The following EPB41L4A variants were observed in gnomAD, a reference collection of about 807,000 sequenced individuals.
EPB41L4A encodes the protein erythrocyte membrane protein band 4.1 like 4A.
A neutral mutation model predicts 108.6 loss-of-function variants in EPB41L4A; 100 were observed. The observed-to-expected ratio is 0.92, with a 90% confidence interval of 0.78 to 1.09. The LOEUF (loss-of-function observed/expected upper bound fraction) is 1.09. EPB41L4A is among the 50% of genes least tolerant of loss of function. The pLI is 0.00. For missense variants in EPB41L4A, 1,030 were observed against 842.7 expected, an observed-to-expected ratio of 1.22 and a Z score of -2.75; for synonymous variants, 319 against 289.0, an observed-to-expected ratio of 1.10 and a Z score of -1.05.
chr5:112,337,469 G>C (rs1382572181), intron 1 of EPB41L4A, among the ~76,000 whole-genome samples: 1 of 152,116 alleles, frequency 6.6e-6, no homozygotes, highest in African/African-American at 2.4e-5. Context: ...GGCTCTGTTT[G>C]AACTGTTTCC....
intron 1 of EPB41L4A, among the ~76,000 whole-genome samples, chr5:112,332,369 A>G (rs1246914439): frequency 6.6e-6 from 1 of 152,094 alleles, no homozygotes; most frequent in African/African-American, 2.4e-5. Flanking sequence ...ACCACCCAGG[A>G]CCTTGACTCC....
intron 18 of EPB41L4A, among the ~76,000 whole-genome samples, chr5:112,171,918 G>A (rs577401155): frequency 6.6e-5 from 10 of 150,498 alleles, no homozygotes; most frequent in Admixed American, 5.9e-4. Context: ...ATTAGCATTT[G>A]GGGGGCTCAA....
At chr5:112,415,120 G>A (rs181097870) in intron 1 of EPB41L4A, among the ~76,000 whole-genome samples, 1 of 152,152 alleles carries the variant, frequency 6.6e-6, no homozygotes, top group East Asian at 1.9e-4. Flanking sequence ...AATGAAAATT[G>A]TAATTTTTGG....
intron 12 of EPB41L4A, among the ~76,000 whole-genome samples, chr5:112,154,500 G>C (rs569962692): frequency 6.6e-6 from 1 of 152,240 alleles, no homozygotes; most frequent in African/African-American, 2.4e-5. Flanking sequence ...ACAATAAAGA[G>C]ATAGTTTTTT....
Position 112,210,858 on chromosome 5 carries a change from G to A in EPB41L4A, c.1088-876C>T, listed in dbSNP as rs541121026. The stretch of plus-strand genomic sequence containing the variant: ...ACAGGCCCTGTTCAATTAGGTCTAT[G>A]TGCCATACAGGTGTGTCTTCCTCGG... On this transcript the variant is annotated intron_variant, in intron 12 of 22. Transcript: ENST00000261486. 3.3e-5 allele frequency among the ~76,000 whole-genome samples: 5 copies of A among 152,152 alleles called. No individual in the cohort carries two copies. In the East Asian group the frequency reaches 9.7e-4, roughly 29 times the overall value.
intron 1 of EPB41L4A, among the ~76,000 whole-genome samples, chr5:112,393,670 A>G (rs912340190): frequency 6.6e-6 from 1 of 152,100 alleles, no homozygotes; most frequent in Admixed American, 6.5e-5. Flanking sequence ...TACAAGGAGG[A>G]GCTGGTACCA....
At chr5:112,334,390 G>T (rs571491942) in intron 1 of EPB41L4A, among the ~76,000 whole-genome samples, 1 of 152,180 alleles carries the variant, frequency 6.6e-6, no homozygotes, top group Non-Finnish European at 1.5e-5. Flanking sequence ...GAGATTAGCT[G>T]AGAGTCTAGC....
At chr5:112,290,343 G>A (rs146365852) in intron 2 of EPB41L4A, among the ~76,000 whole-genome samples, 5 of 152,166 alleles carry the variant, frequency 3.3e-5, no homozygotes, top group African/African-American at 9.6e-5. Context: ...ATGCCTTCCT[G>A]CCAACATATG....
chr5:112,193,727 A>C (rs1761821603), intron 17 of EPB41L4A, among the ~76,000 whole-genome samples: 1 of 152,256 alleles, frequency 6.6e-6, no homozygotes, highest in African/African-American at 2.4e-5. Context: ...CTAGGTACTT[A>C]TTTGTTGCCA....
intron 1 of EPB41L4A, among the ~76,000 whole-genome samples, chr5:112,344,825 C>A (rs966647883): frequency 1.3e-5 from 2 of 152,188 alleles, no homozygotes; most frequent in African/African-American, 2.4e-5. Context: ...TATATAGCAC[C>A]TACTGGTTCT....
At chr5:112,379,027 G>A (rs1375178953) in intron 1 of EPB41L4A, among the ~76,000 whole-genome samples, 1 of 152,094 alleles carries the variant, frequency 6.6e-6, no homozygotes, top group African/African-American at 2.4e-5. Context: ...GTACAGATGT[G>A]CACATACACA....
intron 1 of EPB41L4A, among the ~76,000 whole-genome samples, chr5:112,324,988 C>T (rs1258079390): frequency 6.6e-6 from 1 of 152,098 alleles, no homozygotes; most frequent in Non-Finnish European, 1.5e-5. Context: ...AGCTATCTCA[C>T]TTAGGAAGAA....
chr5:112,158,244 G>A (rs911740860), downstream of EPB41L4A, among the ~76,000 whole-genome samples: 1 of 152,170 alleles, frequency 6.6e-6, no homozygotes, highest in South Asian at 2.1e-4. Flanking sequence ...ATACAAGAAG[G>A]TTCCATATTT....
At chr5:112,211,556 C>T (rs563447496) in intron 12 of EPB41L4A, among the ~76,000 whole-genome samples, 1 of 151,512 alleles carries the variant, frequency 6.6e-6, no homozygotes, top group South Asian at 2.1e-4. Context: ...CCACTACACT[C>T]CAGCCCTGGC....
Position 112,198,729 on chromosome 5 carries a change from C to G in EPB41L4A, c.1377-3021G>C, listed in dbSNP as rs555835953. Among the ~76,000 whole-genome samples the G allele has an allele frequency of 4.6e-5, 7 of 152,030 alleles. No individual in the cohort carries two copies. The East Asian group carries it at 1.4e-3, about 29-fold the overall frequency. On this transcript the variant is annotated intron_variant, in intron 15 of 22. Coordinates refer to ENST00000261486, the MANE Select transcript of EPB41L4A (RefSeq NM_022140.5). ...TTTGGAGAAGATTTTCTTAATGTTACCTTCCAAATATTTTACTCATTTTAA... is the reference window on the plus strand; with the variant it reads ...TTTGGAGAAGATTTTCTTAATGTTAGCTTCCAAATATTTTACTCATTTTAA...
intron 1 of EPB41L4A, 71 bp downstream of exon 1, chr5:112,418,870 G>T: frequency 8.2e-7 from 1 of 1,221,198 alleles, no homozygotes; most frequent in Non-Finnish European, 1.2e-6. Flanking sequence ...ACCGGTGACA[G>T]CCCTCAAAGC....
chr5:112,186,489 T>C (rs1383451028), intron 17 of EPB41L4A, among the ~76,000 whole-genome samples: 1 of 152,250 alleles, frequency 6.6e-6, no homozygotes, highest in Non-Finnish European at 1.5e-5. Context: ...ATTATACATG[T>C]ACCTTTACCT....
At chr5:112,399,985 A>G (rs1761634648) in intron 1 of EPB41L4A, among the ~76,000 whole-genome samples, 1 of 152,218 alleles carries the variant, frequency 6.6e-6, no homozygotes, top group South Asian at 2.1e-4. Context: ...TTGCATTGCT[A>G]TAAAGAAATA....
chr5:112,293,182 TTTA>T (rs1309993905), intron 2 of EPB41L4A, among the ~76,000 whole-genome samples: 1 of 152,160 alleles, frequency 6.6e-6, no homozygotes, highest in African/African-American at 2.4e-5. Flanking sequence ...ACTTTGTACC[TTTA>T]TTGTTTTCAA....
Sources: gnomAD v4.1 joint callset for allele counts (sites outside exome capture counted in the v4.1 genomes callset) on GRCh38, gnomAD v4.1.1 for gene constraint, MANE v1.5 for transcripts, NCBI Gene and HGNC (gene_info 2026-07-23, HGNC 2026-07-21) for gene names.